The following ABTB2 variants were observed in gnomAD, a reference collection of about 807,000 sequenced individuals.
ABTB2 encodes the protein ankyrin repeat and BTB/POZ domain-containing protein 2.
In ABTB2, 56 loss-of-function variants were observed where a neutral mutation model predicts 104.1. The observed-to-expected ratio is 0.54, with a 90% CI of 0.43 to 0.67. ABTB2 has a LOEUF of 0.67. Ranked by LOEUF, ABTB2 falls within the 30% of genes least tolerant of loss-of-function variation. ABTB2 has a pLI of 0.00. For synonymous variants in ABTB2, 606 were observed against 608.2 expected (o/e 1.00, Z 0.05); for missense variants, 1,279 against 1,407.7 (o/e 0.91, Z 1.46).
intron 1 of ABTB2, among the ~76,000 whole-genome samples, chr11:34,275,296 T>A (rs1186422206): frequency 6.6e-6 from 1 of 151,960 alleles, no homozygotes; most frequent in African/African-American, 2.4e-5. Context: ...ACCATTCTCC[T>A]CCCCTCCTGG....
chr11:34,201,608 G>C (rs1206652594), intron 2 of ABTB2, among the ~76,000 whole-genome samples: 2 of 152,182 alleles, frequency 1.3e-5, no homozygotes, highest in Non-Finnish European at 2.9e-5. Context: ...TGTAAACTCA[G>C]GGTACACTCT....
At chr11:34,269,274 T>C (rs1854285881) in intron 1 of ABTB2, among the ~76,000 whole-genome samples, 1 of 152,220 alleles carries the variant, frequency 6.6e-6, no homozygotes, top group South Asian at 2.1e-4. Context: ...AAGCACTCGA[T>C]AGGAATTAAA....
At chr11:34,169,193 A>G (rs187554035) in intron 5 of ABTB2, among the ~76,000 whole-genome samples, 45 of 152,252 alleles carry the variant, frequency 3.0e-4, no homozygotes, top group East Asian at 2.7e-3. Context: ...TCTGTATACA[A>G]TTTGGAGTTT....
At chr11:34,319,825 C>T (rs925924596) in intron 1 of ABTB2, among the ~76,000 whole-genome samples, 9 of 152,168 alleles carry the variant, frequency 5.9e-5, no homozygotes, top group African/African-American at 1.9e-4. Context: ...TGCACCACCA[C>T]GCCCAGCTAA....
intron 1 of ABTB2, among the ~76,000 whole-genome samples, chr11:34,279,967 C>T (rs1854431281): frequency 6.6e-6 from 1 of 151,866 alleles, no homozygotes; most frequent in Non-Finnish European, 1.5e-5. Flanking sequence ...GACAGGGTTT[C>T]ACAATGTTGG....
At chr11:34,220,239 C>T (rs1853602590) in intron 1 of ABTB2, among the ~76,000 whole-genome samples, 1 of 152,170 alleles carries the variant, frequency 6.6e-6, no homozygotes, top group Non-Finnish European at 1.5e-5. Flanking sequence ...ACACTTGAAA[C>T]CGGGCTGACC....
rs1855469164 is a variant in ABTB2, at chr11:34,356,740, G to C, written c.844C>G (p.Gln282Glu). 1.2e-6 allele frequency: 2 copies of C among 1,609,990 alleles called. No individual in the cohort carries two copies. The highest frequency in any genetic ancestry group is 1.3e-5 in the African/African-American group (1 of 74,876). ...CCGCAGATGAGATGCTCATAGGGCT[G>C]CAAGACGCCCCAGAGCTCGGCGTCG... is the stretch of plus-strand genomic sequence containing the variant. ...NNDAELWGVL[Q>E]PYEHLICGKN... The change falls in exon 1 of 17, where the codon CAG becomes GAG. Residue 282 changes from glutamine to glutamate, a missense_variant. Physicochemically the swap from Gln to Glu is conservative, Grantham distance 29. Transcript: ENST00000435224. This position sits in a 1 kb window ranked among gnomAD's most constrained non-coding sequence, Gnocchi z 4.6.
chr11:34,206,799 C>T (rs1280687968), intron 1 of ABTB2, among the ~76,000 whole-genome samples: 1 of 152,194 alleles, frequency 6.6e-6, no homozygotes, highest in East Asian at 1.9e-4. Flanking sequence ...GCCCTCCTAG[C>T]TTGACCTTCC....
chr11:34,293,225 G>A (rs1384678578), intron 1 of ABTB2, among the ~76,000 whole-genome samples: 2 of 152,100 alleles, frequency 1.3e-5, no homozygotes, highest in African/African-American at 4.8e-5. Context: ...TGATGTCGAG[G>A]GGGGGCCCAG....
chr11:34,327,393 T>A (rs1421700166), intron 1 of ABTB2, among the ~76,000 whole-genome samples: 1 of 152,088 alleles, frequency 6.6e-6, no homozygotes, highest in African/African-American at 2.4e-5. Flanking sequence ...TTCAGGAAGA[T>A]CCTCTGTGTC....
At chr11:34,169,904 T>C (rs1009097644) in intron 5 of ABTB2, among the ~76,000 whole-genome samples, 1 of 152,196 alleles carries the variant, frequency 6.6e-6, no homozygotes, top group Non-Finnish European at 1.5e-5. Context: ...ATCCCATCTG[T>C]CAGGGTCCAC....
intron 5 of ABTB2, among the ~76,000 whole-genome samples, chr11:34,169,622 T>G (rs1211549126): frequency 1.3e-5 from 2 of 151,936 alleles, no homozygotes; most frequent in East Asian, 3.9e-4. Context: ...GGACAAAAGC[T>G]CCCACAAAGC....
chr11:34,268,164 C>A (rs571036115), intron 1 of ABTB2, among the ~76,000 whole-genome samples: 3 of 152,192 alleles, frequency 2.0e-5, no homozygotes, highest in Admixed American at 2.0e-4. Flanking sequence ...AACTCTTGGG[C>A]TCAAAGTGAT....
At chr11:34,309,389 CAGA>C (rs990932070) in intron 1 of ABTB2, among the ~76,000 whole-genome samples, 63 of 152,260 alleles carry the variant, frequency 4.1e-4, no homozygotes, top group African/African-American at 1.5e-3. Context: ...CAATGACTTC[CAGA>C]AGGACTCCTA....
intron 1 of ABTB2, among the ~76,000 whole-genome samples, chr11:34,250,593 C>A (rs1010998423): frequency 1.3e-5 from 2 of 152,160 alleles, no homozygotes; most frequent in African/African-American, 2.4e-5. Flanking sequence ...AAAACTTCAT[C>A]CTGAAAGAGG....
At chr11:34,180,523 A>G (rs1394129620) in intron 3 of ABTB2, among the ~76,000 whole-genome samples, 1 of 152,242 alleles carries the variant, frequency 6.6e-6, no homozygotes, top group Non-Finnish European at 1.5e-5. Context: ...GGACAAAGCC[A>G]CTTAAAAAGG....
At chr11:34,190,194 C>T (rs1361099231) in intron 3 of ABTB2, among the ~76,000 whole-genome samples, 4 of 151,664 alleles carry the variant, frequency 2.6e-5, no homozygotes, top group Non-Finnish European at 5.9e-5. Flanking sequence ...GAGTCAAGAT[C>T]GTGCCACTGC....
At chr11:34,246,462 G>A (rs1590228801) in intron 1 of ABTB2, among the ~76,000 whole-genome samples, 1 of 152,008 alleles carries the variant, frequency 6.6e-6, no homozygotes, top group Non-Finnish European at 1.5e-5. Flanking sequence ...TTAGCTGGGC[G>A]TAATGGTGCA....
chr11:34,343,480 C>T (rs1855289094), intron 1 of ABTB2, among the ~76,000 whole-genome samples: 1 of 151,660 alleles, frequency 6.6e-6, no homozygotes, highest in Non-Finnish European at 1.5e-5. Context: ...CATACACACA[C>T]TTTTTTTCTT....
Sources: allele counts gnomAD v4.1 joint callset (sites outside exome capture counted in the v4.1 genomes callset), GRCh38; gene constraint gnomAD v4.1.1; non-coding constraint Gnocchi (gnomAD v3.1); transcripts MANE v1.5; gene names NCBI Gene and HGNC (gene_info 2026-07-23, HGNC 2026-07-21).